The following FGF14 variants were observed in gnomAD, a reference collection of about 807,000 sequenced individuals.
The protein encoded by FGF14 is fibroblast growth factor homologous factor 4.
Under a neutral mutation model 25.5 loss-of-function variants are expected in FGF14, and 5 were observed. The observed-to-expected ratio is 0.20, with a 90% CI of 0.10 to 0.41. The LOEUF (loss-of-function observed/expected upper bound fraction) is 0.41. Among genes scored for constraint, FGF14 ranks in the 10% least tolerant of loss-of-function variants. FGF14 has a pLI of 1.00. For synonymous variants in FGF14, 138 were observed against 118.3 expected (o/e 1.17, Z -1.08); for missense variants, 222 against 320.1 (o/e 0.69, Z 2.34).
At chr13:102,060,584 T>C (rs1383245512) in intron 1 of FGF14, among the ~76,000 whole-genome samples, 1 of 152,212 alleles carries the variant, frequency 6.6e-6, no homozygotes, top group Non-Finnish European at 1.5e-5. Flanking sequence ...TGCTTCACAT[T>C]TTTTGATAGC....
intron 1 of FGF14, among the ~76,000 whole-genome samples, chr13:102,362,367 A>G (rs1326220563): frequency 6.6e-6 from 1 of 152,136 alleles, no homozygotes; most frequent in Non-Finnish European, 1.5e-5. Context: ...GCTGAATGTT[A>G]TCTCCTCTAT....
At chr13:101,799,863 G>T (rs1473099589) in intron 3 of FGF14, among the ~76,000 whole-genome samples, 1 of 152,114 alleles carries the variant, frequency 6.6e-6, no homozygotes, top group African/African-American at 2.4e-5. Flanking sequence ...ATAGTCTTCA[G>T]AATTGTCCAC....
intron 1 of FGF14, among the ~76,000 whole-genome samples, chr13:101,924,785 A>G (rs1454368551): frequency 6.6e-6 from 1 of 152,228 alleles, no homozygotes; most frequent in Non-Finnish European, 1.5e-5. Flanking sequence ...TATGAAGTGG[A>G]AGAACAAGAT....
intron 1 of FGF14, among the ~76,000 whole-genome samples, chr13:102,167,911 T>C (rs916674782): frequency 2.0e-5 from 3 of 149,802 alleles, no homozygotes; most frequent in Non-Finnish European, 4.5e-5. Context: ...TAAAAACAAA[T>C]AAAGAGCCAG....
intron 1 of FGF14, among the ~76,000 whole-genome samples, chr13:102,043,664 A>C (rs1228389976): frequency 1.3e-5 from 2 of 152,162 alleles, no homozygotes; most frequent in African/African-American, 2.4e-5. Flanking sequence ...AACAGGGTAA[A>C]AGCAAATATC....
At chr13:102,141,646 T>C (rs981058713) in intron 1 of FGF14, among the ~76,000 whole-genome samples, 2 of 152,226 alleles carry the variant, frequency 1.3e-5, no homozygotes, top group African/African-American at 4.8e-5. Context: ...CAATACATAA[T>C]TGTGATGCAT....
chr13:101,868,427 C>A (rs2140446256), intron 3 of FGF14: 1 of 292,290 alleles, frequency 3.4e-6, no homozygotes, highest in East Asian at 7.7e-5. Context: ...AAGAAACTCT[C>A]TAAGATAAGT....
chr13:102,349,083 T>C (rs1408373358), intron 1 of FGF14, among the ~76,000 whole-genome samples: 4 of 152,134 alleles, frequency 2.6e-5, no homozygotes, highest in Non-Finnish European at 5.9e-5. Context: ...CTAGCACCTA[T>C]TGGGTAGAGG....
intron 1 of FGF14, among the ~76,000 whole-genome samples, chr13:102,329,633 A>G (rs1259088391): frequency 6.6e-6 from 1 of 152,076 alleles, no homozygotes; most frequent in East Asian, 1.9e-4. Context: ...AGTTCCTTGC[A>G]TCTTTCCTCC....
At chr13:101,956,960 C>A (rs2139430901) in intron 1 of FGF14, among the ~76,000 whole-genome samples, 1 of 151,682 alleles carries the variant, frequency 6.6e-6, no homozygotes. Flanking sequence ...ACTCTTACTA[C>A]CATGACACAT....
At chr13:102,135,606 G>T (rs1332745062) in intron 1 of FGF14, among the ~76,000 whole-genome samples, 1 of 152,300 alleles carries the variant, frequency 6.6e-6, no homozygotes, top group East Asian at 1.9e-4. Flanking sequence ...TTGGAAAACT[G>T]CCTGTAAACA....
At chr13:101,945,072 T>C (rs2139346230) in intron 1 of FGF14, among the ~76,000 whole-genome samples, 1 of 152,198 alleles carries the variant, frequency 6.6e-6, no homozygotes, top group African/African-American at 2.4e-5. Context: ...TCCCAGCGCT[T>C]TGGGAGGCCG....
At chr13:101,902,894 C>T (rs568652524) in intron 1 of FGF14, among the ~76,000 whole-genome samples, 2 of 152,136 alleles carry the variant, frequency 1.3e-5, no homozygotes, top group Non-Finnish European at 2.9e-5. Context: ...AATAATGCAA[C>T]TTATTAAAAT....
At chr13:101,942,316 C>T (rs192105213) in intron 1 of FGF14, among the ~76,000 whole-genome samples, 2 of 152,186 alleles carry the variant, frequency 1.3e-5, no homozygotes, top group Non-Finnish European at 2.9e-5. Flanking sequence ...TCCTTATTCC[C>T]TTAGACAGAG....
chr13:101,808,440 T>C (rs548544704), intron 3 of FGF14, among the ~76,000 whole-genome samples: 1 of 152,168 alleles, frequency 6.6e-6, no homozygotes, highest in Non-Finnish European at 1.5e-5. Flanking sequence ...TATATTATGC[T>C]CAATTTTAAA....
Position 101,901,312 on chromosome 13 carries a change from G to A in FGF14, c.193+15141C>T, listed in dbSNP as rs553873526. Among the ~76,000 whole-genome samples the A allele has an allele frequency of 6.6e-5, 10 of 152,272 alleles. No homozygotes were observed. The East Asian group carries it at 1.9e-3, about 29-fold the overall frequency. On this transcript the variant is annotated intron_variant, in intron 1 of 4. Transcript: ENST00000376143. ...TTGATGTCTCCCTCCCACTTCCCAA[G>A]TAGTGACTTCCAAATCTGATTTCTT...
chr13:102,104,570 G>A (rs145167661), intron 1 of FGF14, among the ~76,000 whole-genome samples: 1 of 152,166 alleles, frequency 6.6e-6, no homozygotes, highest in Non-Finnish European at 1.5e-5. Flanking sequence ...GAGCCCAGGA[G>A]TTGGAGACCA....
intron 1 of FGF14, among the ~76,000 whole-genome samples, chr13:101,977,398 A>G (rs928476764): frequency 6.6e-6 from 1 of 152,158 alleles, no homozygotes; most frequent in Non-Finnish European, 1.5e-5. Flanking sequence ...GCAGCTATGA[A>G]GATTGGCAGA....
At chr13:101,919,166 T>G (rs2033808850), upstream of FGF14, among the ~76,000 whole-genome samples, 1 of 152,178 alleles carries the variant, frequency 6.6e-6, no homozygotes, top group Non-Finnish European at 1.5e-5. Context: ...TTTAATTCAC[T>G]GAAATGAGTC....
Sources: gnomAD v4.1 joint callset for allele counts (sites outside exome capture counted in the v4.1 genomes callset) on GRCh38, gnomAD v4.1.1 for gene constraint, MANE v1.5 for transcripts, NCBI Gene and HGNC (gene_info 2026-07-23, HGNC 2026-07-21) for gene names.